Variants in NDUFA10 observed in about 807,000 individuals in gnomAD.
The protein encoded by NDUFA10 is NADH:ubiquinone oxidoreductase subunit A10, also known as NADH dehydrogenase [ubiquinone] 1 alpha subcomplex subunit 10, mitochondrial.
A neutral mutation model predicts 47.8 loss-of-function variants in NDUFA10; 40 were observed. That is an observed-to-expected ratio of 0.84 (90% CI 0.65 to 1.09). NDUFA10 has a LOEUF of 1.09. Ranked by LOEUF, NDUFA10 falls within the 50% of genes least tolerant of loss-of-function variation. NDUFA10 has a pLI of 0.00. For synonymous variants in NDUFA10, 183 were observed against 172.2 expected, an observed-to-expected ratio of 1.06 and a Z score of -0.49; for missense variants, 413 against 451.1, an observed-to-expected ratio of 0.92 and a Z score of 0.76.
In NDUFA10 at chr2:240,007,387, G is replaced by A; in HGVS notation, c.750-17C>T. 6.5e-7 allele frequency: 1 copy of A among 1,550,044 alleles called. No individual in the cohort carries two copies. Reference sequence around the variant, plus strand: ...CATTTTTCACTGTAAGAAAAAACAAGATGAAATTCAGTGTAAACTTTTCCA... The same window carrying A: ...CATTTTTCACTGTAAGAAAAAACAAAATGAAATTCAGTGTAAACTTTTCCA... On this transcript the variant is annotated splice_polypyrimidine_tract_variant and intron_variant, in intron 6 of 9. Coordinates refer to ENST00000252711, the MANE Select transcript of NDUFA10 (RefSeq NM_004544.4).
intron 6 of NDUFA10, among the ~76,000 whole-genome samples, chr2:240,011,327 A>G (rs1292056760): frequency 6.6e-6 from 1 of 152,226 alleles, no homozygotes; most frequent in African/African-American, 2.4e-5. Flanking sequence ...CTCTATGGTA[A>G]AACCTGTCAT....
Position 239,987,351 on chromosome 2 carries a change from T to A in NDUFA10, c.999+2723A>T, listed in dbSNP as rs999460268. 2.0e-5 allele frequency among the ~76,000 whole-genome samples: 3 copies of A among 152,130 alleles called. No individual in the cohort carries two copies. The East Asian group carries it at 5.8e-4, about 30-fold the overall frequency. ...CGACAGGAGGACTCGCTCGAATGCG[T>A]GTCTGGGCCCCATCCCCTGCGTGTC... On this transcript the variant is annotated intron_variant, in intron 9 of 9. Coordinates refer to ENST00000252711, the MANE Select transcript of NDUFA10 (RefSeq NM_004544.4). The surrounding 1 kb of genome is among the most constrained non-coding windows in gnomAD (Gnocchi z 4.8).
intron 9 of NDUFA10, among the ~76,000 whole-genome samples, chr2:239,988,490 G>T (rs1465948804): frequency 6.6e-6 from 1 of 152,198 alleles, no homozygotes; most frequent in African/African-American, 2.4e-5. Context: ...GGACTGAGAT[G>T]GTGGGTTCTG....
In NDUFA10 at chr2:239,959,330, C is replaced by A; in HGVS notation, c.*1788G>T. On this transcript the variant is annotated 3_prime_UTR_variant, in exon 10 of 10. Coordinates refer to ENST00000252711, the MANE Select transcript of NDUFA10 (RefSeq NM_004544.4). ...ACCTGCCCTCTCACTGCTGAGGACA[C>A]TACCCGTGCAACCACCAAGGTTGAA... is the stretch of plus-strand genomic sequence containing the variant. 1.0e-6 allele frequency: 1 copy of A among 985,488 alleles called. No individual in the cohort carries two copies. Among genetic ancestry groups the A allele is most frequent in the Non-Finnish European group, 1.2e-6 (1 of 829,954 alleles). 61.0% of individuals were successfully genotyped at this position (985,488 alleles called of 1,614,324 possible).
chr2:239,959,474 ACT>A lies in NDUFA10; in HGVS notation c.*1642_*1643del. ...TTGTGAAGTGCTCAGAGCAAAAGACACTCTGTGACTGGCCCAATGCCCAGCTG... is the reference window on the plus strand; with the variant it reads ...TTGTGAAGTGCTCAGAGCAAAAGACACTGTGACTGGCCCAATGCCCAGCTG... On this transcript the variant is annotated 3_prime_UTR_variant, in exon 10 of 10. Transcript: ENST00000252711. 2.0e-6 allele frequency: 2 copies of A among 985,366 alleles called. No homozygotes were observed. Among genetic ancestry groups the A allele is most frequent in the African/African-American group, 1.7e-5 (1 of 57,312 alleles). 61.0% of individuals were successfully genotyped at this position (985,366 alleles called of 1,614,324 possible). A position where few individuals can be genotyped will look rare whatever the true frequency, so the allele number is the denominator to read the frequency against.
intron 4 of NDUFA10, among the ~76,000 whole-genome samples, chr2:239,896,446 G>A (rs1431931560): frequency 1.3e-5 from 2 of 152,172 alleles, no homozygotes; most frequent in African/African-American, 4.8e-5. Context: ...AAGGGTAGAG[G>A]AGCATGTTAA....
intron 4 of NDUFA10, among the ~76,000 whole-genome samples, chr2:239,910,386 T>C (rs1268832063): frequency 6.6e-6 from 1 of 152,028 alleles, no homozygotes; most frequent in Non-Finnish European, 1.5e-5. Flanking sequence ...TATGCAGCCA[T>C]AAAAAGAAAT....
intron 3 of NDUFA10, among the ~76,000 whole-genome samples, chr2:240,019,823 A>G (rs1697543167): frequency 9.8e-6 from 1 of 102,068 alleles, no homozygotes; most frequent in Admixed American, 9.9e-5. Flanking sequence ...CGTCTCAAAA[A>G]AAAAAAAAAA....
Position 240,018,575 on chromosome 2 carries a change from G to A in NDUFA10, c.525C>T (p.Asn175=). 6.2e-7 allele frequency: 1 copy of A among 1,614,176 alleles called. No homozygotes were observed. Among genetic ancestry groups the A allele is most frequent in the Non-Finnish European group, 8.5e-7 (1 of 1,180,040 alleles). ...CACACTGCTTTCGGATGAATCCCTGGTTGTACATCGCCTCCAGGAACACAA... is the reference window on the plus strand; with the variant it reads ...CACACTGCTTTCGGATGAATCCCTGATTGTACATCGCCTCCAGGAACACAA... ...SDFVFLEAMY[N]QGFIRKQCVD... The change falls in exon 4 of 10, where the codon AAC becomes AAT. Residue 175 remains asparagine, a synonymous_variant. Transcript: ENST00000252711.
intron 4 of NDUFA10, among the ~76,000 whole-genome samples, chr2:240,015,386 T>A (rs1182939193): frequency 3.3e-5 from 5 of 152,242 alleles, no homozygotes; most frequent in Admixed American, 1.3e-4. Flanking sequence ...CTATATTTCT[T>A]CACAGTAATA....
rs1357888101 is a variant in NDUFA10 at position 239,920,325 on chromosome 2, A to C, written c.295-25011T>G. On this transcript the variant is annotated intron_variant, in intron 4 of 5. Coordinates refer to the NDUFA10 transcript ENST00000419408. ...TCCTTTGAGACATCCCATCAGCAGC[A>C]GTTTGTACAGCAGCCCAGACTGACA... 2.6e-5 allele frequency among the ~76,000 whole-genome samples: 4 copies of C among 152,230 alleles called. No individual in the cohort carries two copies. The East Asian group carries it at 7.7e-4, about 29-fold the overall frequency.
Position 239,960,260 on chromosome 2 carries a change from G to A in NDUFA10, c.*858C>T. 2 of 985,660 alleles carry A rather than the reference G, an allele frequency of 2.0e-6. No individual in the cohort carries two copies. The highest frequency in any genetic ancestry group is 2.4e-6 in the Non-Finnish European group (2 of 830,128). The allele number at this position is 985,660 out of a possible 1,614,324, so 61.1% of individuals were successfully genotyped here. On this transcript the variant is annotated 3_prime_UTR_variant, in exon 10 of 10. Coordinates refer to ENST00000252711, the MANE Select transcript of NDUFA10 (RefSeq NM_004544.4). ...GACAGCTTGATTCCTAAACCATGAT[G>A]CTGAACCACAACCAGCTTGTTTTGG... is the stretch of plus-strand genomic sequence containing the variant.
chr2:240,008,013 G>C (rs751395073), intron 6 of NDUFA10, among the ~76,000 whole-genome samples: 3 of 152,216 alleles, frequency 2.0e-5, no homozygotes, highest in African/African-American at 4.8e-5. Context: ...ATCAGCATCT[G>C]ACCCCTACAA....
At chr2:239,978,927 G>T in intron 9 of NDUFA10, among the ~76,000 whole-genome samples, 1 of 152,098 alleles carries the variant, frequency 6.6e-6, no homozygotes, top group East Asian at 1.9e-4. Context: ...AAAAGAACTT[G>T]AGCTCTAATA....
chr2:239,901,136 C>T (rs1052352389), intron 4 of NDUFA10, among the ~76,000 whole-genome samples: 2 of 152,158 alleles, frequency 1.3e-5, no homozygotes, highest in Admixed American at 1.3e-4. Flanking sequence ...CAAACTGAAG[C>T]CAACACTCTT....
chr2:239,903,389 A>C (rs1350897523), intron 4 of NDUFA10, among the ~76,000 whole-genome samples: 2 of 152,210 alleles, frequency 1.3e-5, no homozygotes, highest in African/African-American at 4.8e-5. Context: ...TGGCCACCTC[A>C]GCCCAGCCAA....
At chr2:239,993,430 T>G (rs1462173706) in intron 8 of NDUFA10, among the ~76,000 whole-genome samples, 1 of 152,318 alleles carries the variant, frequency 6.6e-6, no homozygotes, top group East Asian at 1.9e-4. Context: ...CTTTAAAGAC[T>G]GCTAGGATTT....
rs963818396 is a variant in NDUFA10 at position 239,914,425 on chromosome 2, A to G, written c.295-19111T>C. ...CAGACACACACAAATATACAGACAC[A>G]CACAGAGACACACAGAGATACACAC... On this transcript the variant is annotated intron_variant, in intron 4 of 5. Coordinates refer to the NDUFA10 transcript ENST00000419408. Among the ~76,000 whole-genome samples, 129 of 137,916 alleles carry G rather than the reference A, an allele frequency of 9.4e-4. 2 individuals carry two copies. Among genetic ancestry groups the G allele is most frequent in the Non-Finnish European group, 2.1e-4 (14 of 67,798 alleles). The allele number at this position is 137,916 out of a possible 152,430, so 90.5% of individuals were successfully genotyped here. A position where few individuals can be genotyped will look rare whatever the true frequency, so the allele number is the denominator to read the frequency against.
chr2:239,951,041 C>G (rs1412661957), intron 4 of NDUFA10, among the ~76,000 whole-genome samples: 3 of 152,212 alleles, frequency 2.0e-5, no homozygotes, highest in Admixed American at 6.5e-5. Flanking sequence ...CAGAAGGGCC[C>G]TGCTTCAGAG....
Sources: allele counts gnomAD v4.1 joint callset (sites outside exome capture counted in the v4.1 genomes callset), GRCh38; gene constraint gnomAD v4.1.1; non-coding constraint Gnocchi (gnomAD v3.1); transcripts MANE v1.5; gene names NCBI Gene and HGNC (gene_info 2026-07-23, HGNC 2026-07-21).